TJP2: variants seen among roughly 807,000 people sequenced by gnomAD.
TJP2 encodes the protein Friedreich ataxia region gene X104 (tight junction protein ZO-2).
A neutral mutation model predicts 133.1 loss-of-function variants in TJP2; 91 were observed. The ratio of observed to expected loss-of-function variants is 0.68; its 90% confidence interval spans 0.58 to 0.81. The LOEUF (loss-of-function observed/expected upper bound fraction) is 0.81, where lower values mean the gene tolerates loss of function less well. Ranked by LOEUF, TJP2 falls within the 40% of genes least tolerant of loss-of-function variation. The pLI is 0.00. For missense variants in TJP2, 1,541 were observed against 1,565.6 expected, an observed-to-expected ratio of 0.98 and a Z score of 0.26; for synonymous variants, 592 against 583.4, an observed-to-expected ratio of 1.01 and a Z score of -0.21.
At chr9:69,234,230 G>C (rs1829995418) in intron 11 of TJP2, among the ~76,000 whole-genome samples, 1 of 152,268 alleles carries the variant, frequency 6.6e-6, no homozygotes, top group South Asian at 2.1e-4. Flanking sequence ...GGTATAGTGT[G>C]CAGGCCCATA....
At chr9:69,152,314 A>G (rs908697888) in intron 2 of TJP2, among the ~76,000 whole-genome samples, 5 of 152,194 alleles carry the variant, frequency 3.3e-5, no homozygotes, top group Admixed American at 1.3e-4. Context: ...TGAGATTTAC[A>G]AGGTCTTAAA....
intron 1 of TJP2, among the ~76,000 whole-genome samples, chr9:69,183,004 T>C (rs989287734): frequency 1.3e-5 from 2 of 151,200 alleles, no homozygotes; most frequent in Non-Finnish European, 2.9e-5. Context: ...TTCATGTTGG[T>C]CAGGCTGATC....
chr9:69,194,159 C>G (rs1403024354), intron 1 of TJP2, among the ~76,000 whole-genome samples: 2 of 152,124 alleles, frequency 1.3e-5, no homozygotes, highest in Non-Finnish European at 2.9e-5. Flanking sequence ...CAGTCTTCCT[C>G]TGCGCTCCCA....
intron 1 of TJP2, among the ~76,000 whole-genome samples, chr9:69,211,299 T>C (rs1295917342): frequency 6.6e-6 from 1 of 152,242 alleles, no homozygotes; most frequent in Non-Finnish European, 1.5e-5. Context: ...ATCACGCCAC[T>C]GTACTCCAGC....
At chr9:69,193,090 A>G (rs1454892131) in intron 1 of TJP2, among the ~76,000 whole-genome samples, 1 of 151,542 alleles carries the variant, frequency 6.6e-6, no homozygotes, top group East Asian at 1.9e-4. Flanking sequence ...TAATTTTTGT[A>G]TTTTTAGTAG....
upstream of TJP2, chr9:69,173,958 G>C: frequency 1.0e-6 from 1 of 985,258 alleles, no homozygotes; most frequent in Non-Finnish European, 1.2e-6. Flanking sequence ...GGCTGGCGGG[G>C]GTGGAGGGGT....
intron 2 of TJP2, among the ~76,000 whole-genome samples, chr9:69,160,937 TG>T (rs1824034955): frequency 6.6e-6 from 1 of 152,050 alleles, no homozygotes. Flanking sequence ...CCATACCTTG[TG>T]GGAATTCAAG....
chr9:69,233,276 C>T (rs1000516754), intron 11 of TJP2, among the ~76,000 whole-genome samples: 2 of 152,184 alleles, frequency 1.3e-5, no homozygotes, highest in Non-Finnish European at 2.9e-5. Flanking sequence ...AATTAAGGCC[C>T]ACCCAACTAA....
chr9:69,124,283 TC>T (rs1822254468), intron 1 of TJP2, among the ~76,000 whole-genome samples: 1 of 76,822 alleles, frequency 1.3e-5, no homozygotes, highest in African/African-American at 4.0e-5. Context: ...CAAGTGATCC[TC>T]CCACCTCAGC....
intron 2 of TJP2, among the ~76,000 whole-genome samples, chr9:69,154,674 T>C (rs1278202185): frequency 6.6e-6 from 1 of 150,798 alleles, no homozygotes; most frequent in Admixed American, 6.6e-5. Context: ...CCTATAATCA[T>C]AGCACTTTCA....
intron 17 of TJP2, among the ~76,000 whole-genome samples, chr9:69,243,896 A>G (rs1830736319): frequency 6.9e-6 from 1 of 145,918 alleles, no homozygotes; most frequent in South Asian, 2.3e-4. Flanking sequence ...GAAAGTATAT[A>G]GTTCAGCTGG....
At chr9:69,164,489 G>A (rs1022305560) in intron 2 of TJP2, among the ~76,000 whole-genome samples, 8 of 152,078 alleles carry the variant, frequency 5.3e-5, no homozygotes, top group African/African-American at 1.4e-4. Context: ...TTTTGGGGGT[G>A]AAGGGAGCTC....
At chr9:69,150,810 A>T (rs1457088190) in intron 1 of TJP2, among the ~76,000 whole-genome samples, 1 of 152,230 alleles carries the variant, frequency 6.6e-6, no homozygotes, top group Non-Finnish European at 1.5e-5. Flanking sequence ...ATGTCCACAT[A>T]AACAATTGTA....
chr9:69,238,043 G>T, intron 15 of TJP2, 70 bp downstream of exon 15: 1 of 1,137,732 alleles, frequency 8.8e-7, no homozygotes, highest in Non-Finnish European at 1.3e-6. Flanking sequence ...GGAGTTGGAA[G>T]AATCATGAAC....
At chr9:69,162,477 T>C (rs1247777341) in intron 2 of TJP2, among the ~76,000 whole-genome samples, 3 of 152,230 alleles carry the variant, frequency 2.0e-5, no homozygotes, top group African/African-American at 4.8e-5. Flanking sequence ...TCATTATCTA[T>C]GCTAAATGAA....
chr9:69,182,788 CTTTTTT>C (rs35602682), intron 1 of TJP2, among the ~76,000 whole-genome samples: 3 of 129,424 alleles, frequency 2.3e-5, no homozygotes, highest in Non-Finnish European at 4.7e-5. Context: ...TGATGAATTT[CTTTTTT>C]TTTTTTTTTT....
chr9:69,254,087 G>A, intron 22 of TJP2, 122 bp from the exon 23 acceptor site: 1 of 1,144,428 alleles, frequency 8.7e-7, no homozygotes, highest in Non-Finnish European at 1.3e-6. Context: ...TCTGCAGAAT[G>A]TGGCTCAGAG....
chr9:69,157,861 G>A (rs1823851577), intron 2 of TJP2, among the ~76,000 whole-genome samples: 2 of 152,044 alleles, frequency 1.3e-5, no homozygotes, highest in Admixed American at 6.6e-5. Flanking sequence ...ACAGAGTGCT[G>A]GTCATTTGGC....
intron 15 of TJP2, among the ~76,000 whole-genome samples, 190 bp from the exon 16 acceptor site, chr9:69,238,520 C>G (rs528184354): frequency 6.6e-6 from 1 of 152,234 alleles, no homozygotes; most frequent in East Asian, 1.9e-4. Flanking sequence ...AGAATGCTTC[C>G]TGTTGGACTG....
Sources: gnomAD v4.1 joint callset for allele counts (sites outside exome capture counted in the v4.1 genomes callset) on GRCh38, gnomAD v4.1.1 for gene constraint, MANE v1.5 for transcripts, NCBI Gene and HGNC (gene_info 2026-07-23, HGNC 2026-07-21) for gene names.